The following KCNIP4 variants were observed in gnomAD, a reference collection of about 807,000 sequenced individuals.
KCNIP4 encodes potassium voltage-gated channel interacting protein 4.
KCNIP4 carries 12 observed loss-of-function variants against 34.0 expected under a neutral mutation model. The observed-to-expected ratio is 0.35, with a 90% CI of 0.23 to 0.57. The LOEUF is 0.57. Among genes scored for constraint, KCNIP4 ranks in the 20% least tolerant of loss-of-function variants. KCNIP4 has a pLI of 0.83. For synonymous variants in KCNIP4, 124 were observed against 102.2 expected (o/e 1.21, Z -1.29); for missense variants, 238 against 311.7 (o/e 0.76, Z 1.78).
At chr4:20,980,637 T>G (rs1232722778) in intron 1 of KCNIP4, among the ~76,000 whole-genome samples, 1 of 152,168 alleles carries the variant, frequency 6.6e-6, no homozygotes, top group Non-Finnish European at 1.5e-5. Flanking sequence ...CTCATTCAAA[T>G]AGACTCAGAA....
At chr4:21,188,172 T>C (rs1413995771) in intron 1 of KCNIP4, among the ~76,000 whole-genome samples, 5 of 152,256 alleles carry the variant, frequency 3.3e-5, no homozygotes, top group Non-Finnish European at 4.4e-5. Flanking sequence ...GTTTTGATTA[T>C]TGACAACATT....
At chr4:21,211,745 A>T (rs1304210391) in intron 1 of KCNIP4, among the ~76,000 whole-genome samples, 1 of 152,134 alleles carries the variant, frequency 6.6e-6, no homozygotes, top group East Asian at 1.9e-4. Context: ...CATCTTCAAA[A>T]TAACCCTCTG....
intron 1 of KCNIP4, among the ~76,000 whole-genome samples, chr4:21,118,497 C>T (rs566909080): frequency 6.6e-6 from 1 of 152,328 alleles, no homozygotes; most frequent in South Asian, 2.1e-4. Context: ...TCCCATTTTG[C>T]ATTATAAAAC....
intron 1 of KCNIP4, among the ~76,000 whole-genome samples, chr4:21,621,026 C>T (rs191618742): frequency 5.5e-4 from 84 of 152,240 alleles, no homozygotes; most frequent in African/African-American, 1.8e-3. Context: ...TCTCAGGCTC[C>T]GTACAGAAAC....
intron 1 of KCNIP4, among the ~76,000 whole-genome samples, chr4:21,620,119 T>C (rs936017551): frequency 2.6e-5 from 4 of 152,180 alleles, no homozygotes; most frequent in African/African-American, 7.2e-5. Flanking sequence ...TGGAAATCCA[T>C]GAATGGAGTC....
intron 1 of KCNIP4, among the ~76,000 whole-genome samples, chr4:21,213,291 A>G (rs574264753): frequency 6.6e-6 from 1 of 151,838 alleles, no homozygotes; most frequent in Non-Finnish European, 1.5e-5. Context: ...CTTTATTTTT[A>G]TTTTATTGAT....
chr4:21,069,565 GGGTCT>G (rs577095844), intron 1 of KCNIP4, among the ~76,000 whole-genome samples: 56 of 152,232 alleles, frequency 3.7e-4, no homozygotes, highest in Admixed American at 2.9e-3. Context: ...GGCTGGCCCT[GGGTCT>G]GTAAAACACA....
intron 1 of KCNIP4, among the ~76,000 whole-genome samples, chr4:20,906,861 TG>T (rs1727822671): frequency 6.6e-6 from 1 of 152,176 alleles, no homozygotes; most frequent in Admixed American, 6.5e-5. Context: ...ACTGAGTATC[TG>T]GGAAGAATGA....
intron 1 of KCNIP4, among the ~76,000 whole-genome samples, chr4:21,532,167 G>A (rs987674377): frequency 3.9e-5 from 6 of 152,230 alleles, no homozygotes; most frequent in African/African-American, 1.4e-4. Context: ...TAAATGCAGA[G>A]ATATAATGAG....
intron 1 of KCNIP4, among the ~76,000 whole-genome samples, chr4:21,052,472 C>G (rs973478158): frequency 6.6e-6 from 1 of 152,148 alleles, no homozygotes; most frequent in African/African-American, 2.4e-5. Flanking sequence ...TTAGTACTTA[C>G]AGACCATTGG....
intron 1 of KCNIP4, among the ~76,000 whole-genome samples, chr4:21,779,720 C>A (rs1015552607): frequency 6.6e-6 from 1 of 151,964 alleles, no homozygotes; most frequent in Non-Finnish European, 1.5e-5. Flanking sequence ...CTGGGTGACA[C>A]AGCAAGATCC....
Position 20,856,585 on chromosome 4 carries a change from T to C in KCNIP4, c.164-5918A>G, listed in dbSNP as rs907220735. ...TATCCTCTGAACCTAACAGGAAGTC[T>C]GATACTCCTTTGTCACTTAAGAATA... On this transcript the variant is annotated intron_variant, in intron 2 of 8. Coordinates refer to ENST00000382152, the MANE Select transcript of KCNIP4 (RefSeq NM_025221.6). Among the ~76,000 whole-genome samples the C allele has an allele frequency of 1.1e-4, 16 of 152,330 alleles. No homozygotes were observed. The South Asian group carries it at 2.5e-3, about 24-fold the overall frequency.
intron 2 of KCNIP4, among the ~76,000 whole-genome samples, chr4:20,858,202 A>T (rs1721813598): frequency 8.2e-6 from 1 of 121,264 alleles, no homozygotes; most frequent in Admixed American, 9.6e-5. Context: ...TGAGAGTGAA[A>T]CTCCATCTCA....
intron 1 of KCNIP4, among the ~76,000 whole-genome samples, chr4:21,641,498 G>A (rs1317368144): frequency 6.6e-6 from 1 of 152,166 alleles, no homozygotes; most frequent in Non-Finnish European, 1.5e-5. Context: ...TATGGGCTGT[G>A]GCCAATGATG....
chr4:21,273,707 T>C (rs139153157), intron 1 of KCNIP4, among the ~76,000 whole-genome samples: 5 of 152,334 alleles, frequency 3.3e-5, no homozygotes, highest in African/African-American at 1.2e-4. Flanking sequence ...CACTAAAACC[T>C]GAAGCTGCTG....
intron 1 of KCNIP4, among the ~76,000 whole-genome samples, chr4:21,169,566 A>G (rs1334667853): frequency 1.3e-5 from 2 of 152,060 alleles, no homozygotes; most frequent in East Asian, 1.9e-4. Flanking sequence ...AATTGAGTAA[A>G]TGAGGTTCTA....
intron 3 of KCNIP4, among the ~76,000 whole-genome samples, chr4:20,793,820 G>T (rs1196108954): frequency 6.6e-6 from 1 of 151,866 alleles, no homozygotes. Flanking sequence ...TCAGGTACTA[G>T]ATTCTCATAA....
At chr4:21,557,548 A>T (rs1050289316) in intron 1 of KCNIP4, among the ~76,000 whole-genome samples, 10 of 152,066 alleles carry the variant, frequency 6.6e-5, no homozygotes, top group Non-Finnish European at 1.3e-4. Flanking sequence ...TTGTATCTTC[A>T]AATTAGAAAG....
At chr4:21,939,033 A>G (rs1439106638) in intron 1 of KCNIP4, among the ~76,000 whole-genome samples, 1 of 152,172 alleles carries the variant, frequency 6.6e-6, no homozygotes, top group Non-Finnish European at 1.5e-5. Flanking sequence ...TGTCATTGAG[A>G]TCTAAAATTT....
Sources: gnomAD v4.1 joint callset for allele counts (sites outside exome capture counted in the v4.1 genomes callset) on GRCh38, gnomAD v4.1.1 for gene constraint, MANE v1.5 for transcripts, NCBI Gene and HGNC (gene_info 2026-07-23, HGNC 2026-07-21) for gene names.